Variants in SLC25A42 observed in about 807,000 individuals in gnomAD.
The protein encoded by SLC25A42 is solute carrier family 25 member 42, also known as mitochondrial coenzyme A transporter SLC25A42.
In SLC25A42, 19 loss-of-function variants were observed where a neutral mutation model predicts 34.7. That is an observed-to-expected ratio of 0.55 (90% CI 0.38 to 0.80). The LOEUF is 0.80. Among genes scored for constraint, SLC25A42 ranks in the 30% least tolerant of loss-of-function variants. The pLI is 0.00. For synonymous variants in SLC25A42, 205 were observed against 191.2 expected (o/e 1.07, Z -0.59); for missense variants, 364 against 441.3 (o/e 0.82, Z 1.57).
chr19:19,070,239 C>T (rs1340254814), intron 1 of SLC25A42, among the ~76,000 whole-genome samples: 17 of 151,750 alleles, frequency 1.1e-4, no homozygotes, highest in Non-Finnish European at 2.1e-4. Flanking sequence ...TTGTGATCCG[C>T]CTGCCTCGGC....
At chr19:19,079,471 A>G (rs893801328) in intron 1 of SLC25A42, among the ~76,000 whole-genome samples, 1 of 151,930 alleles carries the variant, frequency 6.6e-6, no homozygotes, top group South Asian at 2.1e-4. Flanking sequence ...GTCTCTATGG[A>G]TTTACCTGTT....
intron 1 of SLC25A42, among the ~76,000 whole-genome samples, chr19:19,068,731 G>A (rs145680545): frequency 0.023 from 3,543 of 151,242 alleles, 133 homozygotes; most frequent in African/African-American, 0.082. Flanking sequence ...CCAGCTACTC[G>A]GGAGACTGAG....
intron 1 of SLC25A42, among the ~76,000 whole-genome samples, chr19:19,084,469 C>T (rs1408081215): frequency 6.6e-6 from 1 of 152,176 alleles, no homozygotes; most frequent in Non-Finnish European, 1.5e-5. Flanking sequence ...GTTTAATGGA[C>T]AGTGCAAAGT....
At position 19,081,467 on chromosome 19, in the gene SLC25A42, A is replaced by G. The variant is rs1461811197; in HGVS notation, c.-34-14624A>G. Among the ~76,000 whole-genome samples, 2 of 152,132 alleles carry G rather than the reference A, an allele frequency of 1.3e-5. No individual in the cohort carries two copies. The highest frequency in any genetic ancestry group is 4.8e-5 in the African/African-American group (2 of 41,430). ...AGCGTCCCTGGCAGTGTCATGGGAC[A>G]CTCAGGTGGTACCACTAGTTCTGAC... is the stretch of plus-strand genomic sequence containing the variant. On this transcript the variant is annotated intron_variant, in intron 1 of 7. Transcript: ENST00000318596. The surrounding 1 kb of genome is among the most constrained non-coding windows in gnomAD (Gnocchi z 4.5).
chr19:19,096,905 C>T (rs2059768406), intron 2 of SLC25A42, among the ~76,000 whole-genome samples: 2 of 151,990 alleles, frequency 1.3e-5, no homozygotes, highest in Admixed American at 6.5e-5. Flanking sequence ...CCACTGCACC[C>T]CAGCCTGAGC....
At position 19,104,947 on chromosome 19, in the gene SLC25A42, CTA is replaced by C. The variant is rs759348168; in HGVS notation, c.213+11_213+12del. 6.2e-7 allele frequency: 1 copy of C among 1,614,160 alleles called. No homozygotes were observed. Among genetic ancestry groups the C allele is most frequent in the East Asian group, 2.2e-5 (1 of 44,874 alleles). On this transcript the variant is annotated intron_variant, in intron 4 of 7. Transcript: ENST00000318596. ...AAAGATTTTCTGCCAAGGTGAGCCA[CTA>C]TGTCACCGCCCCGGCCTGGGGACAG... is the stretch of plus-strand genomic sequence containing the variant.
intron 6 of SLC25A42, 132 bp from the exon 7 acceptor site, chr19:19,107,759 TGAA>T (rs1255242923): frequency 6.0e-6 from 5 of 830,582 alleles, no homozygotes; most frequent in Non-Finnish European, 9.7e-6. Context: ...TTATATGTCT[TGAA>T]GAAGAAGGAA....
At chr19:19,107,649 A>G (rs1415192834) in intron 6 of SLC25A42, among the ~76,000 whole-genome samples, 1 of 152,008 alleles carries the variant, frequency 6.6e-6, no homozygotes, top group African/African-American at 2.4e-5. Context: ...CAAAGAAACA[A>G]AAAAAAAGAC....
intron 1 of SLC25A42, among the ~76,000 whole-genome samples, chr19:19,072,317 C>G (rs758209192): frequency 7.9e-5 from 12 of 152,328 alleles, no homozygotes; most frequent in Non-Finnish European, 1.6e-4. Flanking sequence ...TCGAGTGGCA[C>G]TATCCTGTGA....
At chr19:19,091,065 G>C (rs1201102342) in intron 1 of SLC25A42, among the ~76,000 whole-genome samples, 1 of 152,194 alleles carries the variant, frequency 6.6e-6, no homozygotes, top group East Asian at 1.9e-4. Context: ...GCCCGTTTCT[G>C]CTGAAATCCT....
chr19:19,096,254 T>TGGGGGGCCCCCCCCCCCCCC, intron 2 of SLC25A42, 49 bp downstream of exon 2: 1 of 1,456,748 alleles, frequency 6.9e-7, no homozygotes, highest in Non-Finnish European at 9.4e-7. Context: ...GGCCCCAGCC[T>TGGGGGGCCCCCCCCCCCCCC]CCCCACCCCC....
At position 19,110,718 on chromosome 19, in the gene SLC25A42, A is replaced by G. The variant is rs1164528950; in HGVS notation, c.799A>G (p.Ile267Val). 3 of 1,605,022 alleles carry G rather than the reference A, an allele frequency of 1.9e-6. No homozygotes were observed. The highest frequency in any genetic ancestry group is 2.6e-6 in the Non-Finnish European group (3 of 1,176,110). ...CGTCACGGGCTACCCGCGCGCCTCCATCGCCCGCACGCTGCGCACCATCGT... is the reference window on the plus strand; with the variant it reads ...CGTCACGGGCTACCCGCGCGCCTCCGTCGCCCGCACGCTGCGCACCATCGT... Reference protein sequence around the residue: ...AGVTGYPRASIARTLRTIVRE... With the variant: ...AGVTGYPRASVARTLRTIVRE... Residue 267 changes from isoleucine (I) to valine (V), a missense_variant, in exon 8 of 8, where the codon ATC (isoleucine) becomes GTC (valine). By Grantham distance (29) the Ile-to-Val change is conservative. Coordinates refer to ENST00000318596, the MANE Select transcript of SLC25A42 (RefSeq NM_178526.5).
intron 5 of SLC25A42, 157 bp downstream of exon 5, chr19:19,105,884 C>T: frequency 6.1e-6 from 4 of 654,344 alleles, no homozygotes; most frequent in South Asian, 2.0e-5. Flanking sequence ...CACCCAGGCC[C>T]TCCTGAGGGA....
intron 1 of SLC25A42, among the ~76,000 whole-genome samples, chr19:19,076,380 G>A (rs1351986029): frequency 1.3e-5 from 2 of 152,126 alleles, no homozygotes; most frequent in Admixed American, 6.5e-5. Flanking sequence ...TGAGGCACAA[G>A]AATCACTTGA....
chr19:19,065,728 T>C (rs1179546388), intron 1 of SLC25A42, among the ~76,000 whole-genome samples: 1 of 152,260 alleles, frequency 6.6e-6, no homozygotes, highest in African/African-American at 2.4e-5. Flanking sequence ...TGTATATGTG[T>C]GTGTGTTGTA....
At chr19:19,070,498 A>G (rs138200015) in intron 1 of SLC25A42, among the ~76,000 whole-genome samples, 3 of 150,590 alleles carry the variant, frequency 2.0e-5, no homozygotes, top group Admixed American at 1.3e-4. Context: ...CGGTTTTGCC[A>G]CGTTGGCCAG....
At chr19:19,080,180 T>C (rs1194560115) in intron 1 of SLC25A42, among the ~76,000 whole-genome samples, 1 of 152,178 alleles carries the variant, frequency 6.6e-6, no homozygotes, top group African/African-American at 2.4e-5. Flanking sequence ...GCCGAGGTCC[T>C]GGGAGCTGGT....
chr19:19,078,981 G>T (rs1055668098), intron 1 of SLC25A42, among the ~76,000 whole-genome samples: 2 of 151,686 alleles, frequency 1.3e-5, no homozygotes, highest in Non-Finnish European at 2.9e-5. Flanking sequence ...TCACAGTGTT[G>T]TGCAACCACT....
chr19:19,068,077 C>T (rs1312370246), intron 1 of SLC25A42, among the ~76,000 whole-genome samples: 1 of 152,086 alleles, frequency 6.6e-6, no homozygotes, highest in Non-Finnish European at 1.5e-5. Context: ...GTATATTGGC[C>T]GGGCACAGTG....
Sources: allele counts gnomAD v4.1 joint callset (sites outside exome capture counted in the v4.1 genomes callset), GRCh38; gene constraint gnomAD v4.1.1; non-coding constraint Gnocchi (gnomAD v3.1); transcripts MANE v1.5; gene names NCBI Gene and HGNC (gene_info 2026-07-23, HGNC 2026-07-21).